Variants in INTS10 observed in about 807,000 individuals in gnomAD.
The protein encoded by INTS10 is chromosome 8 open reading frame 35.
INTS10 carries 44 observed loss-of-function variants against 94.4 expected under a neutral mutation model. That is an observed-to-expected ratio of 0.47 (90% confidence interval 0.37 to 0.60). The LOEUF is 0.60. INTS10 is among the 20% of genes least tolerant of loss of function. The pLI is 0.00. For synonymous variants in INTS10, 341 were observed against 320.7 expected (o/e 1.06, Z -0.68); for missense variants, 797 against 868.7 (o/e 0.92, Z 1.04).
intron 4 of INTS10, chr8:19,821,104 C>CTTG (rs2066339282): frequency 8.2e-6 from 1 of 122,424 alleles, no homozygotes; most frequent in South Asian, 2.8e-4. Context: ...TACTCTGCGG[C>CTTG]TTATTTCCCA....
chr8:19,819,594 G>T lies in INTS10; in HGVS notation c.219G>T (p.Gln73His), dbSNP rs373727150. 166 of 1,612,614 alleles carry T rather than the reference G, an allele frequency of 1.0e-4. No individual in the cohort carries two copies. The highest frequency in any genetic ancestry group is 1.3e-4 in the Non-Finnish European group (158 of 1,179,156). The change falls in exon 3 of 17, where the codon CAG becomes CAT. Residue 73 changes from glutamine (Q) to histidine (H), a missense_variant. By Grantham distance (24) the Gln-to-His change is conservative. This residue lies in a region of INTS10 where 734 missense variants were observed against 787.8 expected (regional missense o/e 0.93). Coordinates refer to ENST00000397977, the MANE Select transcript of INTS10 (RefSeq NM_018142.4). ...ATAGGTTTGTGAATTTCCCAGACCA[G>T]CCGGTGGTGTGGAGAGAAATCAGCA... ...LYDMFVNFPDQPVVWREISII... is the reference protein window; with the variant it reads ...LYDMFVNFPDHPVVWREISII...
At chr8:19,848,047 TGA>T (rs2068724763) in intron 16 of INTS10, among the ~76,000 whole-genome samples, 1 of 152,234 alleles carries the variant, frequency 6.6e-6, no homozygotes, top group African/African-American at 2.4e-5. Flanking sequence ...CTTCACTGTG[TGA>T]ATCTCAAGGT....
At chr8:19,831,534 A>G (rs2067225646) in intron 10 of INTS10, among the ~76,000 whole-genome samples, 1 of 152,096 alleles carries the variant, frequency 6.6e-6, no homozygotes, top group Non-Finnish European at 1.5e-5. Flanking sequence ...AAAAACAAAA[A>G]CAAAACTTAG....
rs1318382759 is a variant in INTS10 at position 19,819,667 on chromosome 8, T to C, written c.292T>C (p.Phe98Leu). 2.5e-6 allele frequency: 4 copies of C among 1,609,708 alleles called. No homozygotes were observed. The Admixed American group carries it at 5.0e-5, about 20-fold the overall frequency. ...CGATTCACAGGACAAACAAACCCAA[T>C]TTTTAAGAAGTAAGAATAATGGTGT... ...RNDSQDKQTQFLRSLFETLPG... is the reference protein window; with the variant it reads ...RNDSQDKQTQLLRSLFETLPG... The change falls in exon 3 of 17, where the codon TTT becomes CTT. Residue 98 changes from phenylalanine (F) to leucine (L), a missense_variant. This residue lies in a region of INTS10 where 734 missense variants were observed against 787.8 expected (regional missense o/e 0.93). Coordinates refer to ENST00000397977, the MANE Select transcript of INTS10 (RefSeq NM_018142.4).
chr8:19,825,014 A>T, intron 8 of INTS10, 42 bp downstream of exon 8: 1 of 1,521,506 alleles, frequency 6.6e-7, no homozygotes, highest in Non-Finnish European at 9.1e-7. Context: ...GCCAGTTCAT[A>T]CTGTGGGGAT....
At position 19,833,281 on chromosome 8, in the gene INTS10, T is replaced by C; in HGVS notation, c.1490T>C (p.Ile497Thr). 1.2e-6 allele frequency: 2 copies of C among 1,612,970 alleles called. No individual in the cohort carries two copies. Among genetic ancestry groups the C allele is most frequent in the East Asian group, 2.2e-5 (1 of 44,752 alleles). The change falls in exon 12 of 17, where the codon ATC (isoleucine) becomes ACC (threonine). Residue 497 changes from isoleucine (I) to threonine (T), a missense_variant. This residue lies in a region of INTS10 where 734 missense variants were observed against 787.8 expected (regional missense o/e 0.93). Coordinates refer to ENST00000397977, the MANE Select transcript of INTS10 (RefSeq NM_018142.4). Reference protein sequence around the residue: ...QGTLEHQRALIQLATCHFALG... With the variant: ...QGTLEHQRALTQLATCHFALG... ...ACCCTGGAGCATCAGAGGGCGCTCATCCAGCTGGCGACGTGCCACTTTGCG... is the reference window on the plus strand; with the variant it reads ...ACCCTGGAGCATCAGAGGGCGCTCACCCAGCTGGCGACGTGCCACTTTGCG...
At chr8:19,823,218 T>C (rs938513045) in intron 5 of INTS10, 83 bp from the exon 6 acceptor site, 4 of 1,059,582 alleles carry the variant, frequency 3.8e-6, no homozygotes, top group Non-Finnish European at 5.6e-6. Flanking sequence ...CTACATCAAA[T>C]GAACTCTGAA....
chr8:19,820,648 G>A (rs909725197), intron 4 of INTS10, 130 bp downstream of exon 4: 22 of 714,338 alleles, frequency 3.1e-5, no homozygotes, highest in Non-Finnish European at 2.3e-5. Context: ...TGAAATAGAA[G>A]GTTCTTTGTT....
Position 19,842,875 on chromosome 8 carries a change from C to A in INTS10, c.1667C>A (p.Thr556Asn). The A allele has an allele frequency of 6.2e-7, 1 of 1,612,332 alleles. No homozygotes were observed. Among genetic ancestry groups the A allele is most frequent in the Non-Finnish European group, 8.5e-7 (1 of 1,178,598 alleles). ...KGSDLKLLPCTSKAIMPYCLH... is the reference protein window; with the variant it reads ...KGSDLKLLPCNSKAIMPYCLH... ...TCGGATCTGAAGCTCCTGCCTTGTA[C>A]CAGCAAGGCTATCATGCCATACTGC... The change falls in exon 14 of 17, where the codon ACC (threonine) becomes AAC (asparagine). Residue 556 changes from threonine to asparagine, a missense_variant. Transcript: ENST00000397977.
chr8:19,851,002 G>A lies in INTS10; in HGVS notation c.1977-647G>A, dbSNP rs2068985705. Among the ~76,000 whole-genome samples, 1 of 152,094 alleles carries A rather than the reference G, an allele frequency of 6.6e-6. No homozygotes were observed. The highest frequency in any genetic ancestry group is 2.4e-5 in the African/African-American group (1 of 41,404). ...CTCAGAGATTCTGCCTCTCTCTCCT[G>A]ACCTGTGCCACATTCTTGTGTCAGG... On this transcript the variant is annotated intron_variant, in intron 16 of 16. Coordinates refer to ENST00000397977, the MANE Select transcript of INTS10 (RefSeq NM_018142.4). The surrounding 1 kb of genome is among the most constrained non-coding windows in gnomAD (Gnocchi z 5.0).
In INTS10 at chr8:19,837,184, A is replaced by G. The variant is rs369929398; in HGVS notation, c.1639+24A>G. On this transcript the variant is annotated intron_variant, in intron 13 of 16. Transcript: ENST00000397977. ...AGGTACAGTGACATGTTTTATGACT[A>G]TTTTGTAAAAATAGCTTTAGAAAGC... 3.4e-6 allele frequency: 5 copies of G among 1,453,856 alleles called. No individual in the cohort carries two copies. In the African/African-American group the frequency reaches 5.6e-5, roughly 16 times the overall value. 90.1% of individuals were successfully genotyped at this position (1,453,856 alleles called of 1,614,324 possible).
rs183661235 is a variant in INTS10, at chr8:19,832,379, C to T, written c.1377+269C>T. Among the ~76,000 whole-genome samples, 6 of 152,202 alleles carry T rather than the reference C, an allele frequency of 3.9e-5. No homozygotes were observed. The East Asian group carries it at 1.2e-3, about 29-fold the overall frequency. On this transcript the variant is annotated intron_variant, in intron 11 of 16. Transcript: ENST00000397977. ...TTGAGCCCAGGAGTTCGAGACTAGCCCTGGCAGCATAGTGAGACCCTGTCT... is the reference window on the plus strand; with the variant it reads ...TTGAGCCCAGGAGTTCGAGACTAGCTCTGGCAGCATAGTGAGACCCTGTCT...
rs1375568664 is a variant in INTS10, at chr8:19,843,152, TA to T, written c.1719+226del. Among the ~76,000 whole-genome samples, 1 of 152,218 alleles carries T rather than the reference TA, an allele frequency of 6.6e-6. No individual in the cohort carries two copies. Among genetic ancestry groups the T allele is most frequent in the East Asian group, 1.9e-4 (1 of 5,198 alleles). ...TTCTCCCCGTCCTCAAAAAGTGTAATAGTGGGACAGATATGCAAATAACCTT... is the reference window on the plus strand; with the variant it reads ...TTCTCCCCGTCCTCAAAAAGTGTAATGTGGGACAGATATGCAAATAACCTT... On this transcript the variant is annotated intron_variant, in intron 14 of 16. Coordinates refer to ENST00000397977, the MANE Select transcript of INTS10 (RefSeq NM_018142.4). The surrounding 1 kb of genome is among the most constrained non-coding windows in gnomAD (Gnocchi z 4.7).
At chr8:19,822,289 A>T (rs1589924113) in intron 4 of INTS10, 150 bp from the exon 5 acceptor site, 3 of 533,604 alleles carry the variant, frequency 5.6e-6, no homozygotes. Flanking sequence ...GCATTCTTTT[A>T]TTTTCCAGTC....
rs891420262 is a variant in INTS10 at position 19,843,036 on chromosome 8, G to T, written c.1719+109G>T. 3 of 773,188 alleles carry T rather than the reference G, an allele frequency of 3.9e-6. No individual in the cohort carries two copies. In the African/African-American group the frequency reaches 5.2e-5, roughly 14 times the overall value. The allele number at this position is 773,188 out of a possible 1,614,324, so 47.9% of individuals were successfully genotyped here. Reference sequence around the variant, plus strand: ...GGATTGTTATTTTAGTACTTTTGAGGGCAGGCCCAAACAGTTAGAAAAGCA... The same window carrying T: ...GGATTGTTATTTTAGTACTTTTGAGTGCAGGCCCAAACAGTTAGAAAAGCA... On this transcript the variant is annotated intron_variant, in intron 14 of 16. Coordinates refer to ENST00000397977, the MANE Select transcript of INTS10 (RefSeq NM_018142.4). This position sits in a 1 kb window ranked among gnomAD's most constrained non-coding sequence, Gnocchi z 4.7.
intron 9 of INTS10, among the ~76,000 whole-genome samples, chr8:19,829,519 A>G (rs539321145): frequency 6.6e-6 from 1 of 152,194 alleles, no homozygotes; most frequent in Non-Finnish European, 1.5e-5. Context: ...GGGCTTTACT[A>G]GGTAAGTGCA....
chr8:19,825,083 T>G, intron 8 of INTS10, 111 bp downstream of exon 8: 1 of 827,752 alleles, frequency 1.2e-6, no homozygotes, highest in Non-Finnish European at 2.0e-6. Flanking sequence ...TGTGGGGCAG[T>G]ACCAGTCCTT....
Position 19,849,271 on chromosome 8 carries a change from G to A in INTS10, c.1977-2378G>A, listed in dbSNP as rs988685392. 6.7e-6 allele frequency: 8 copies of A among 1,187,290 alleles called. No homozygotes were observed. Among genetic ancestry groups the A allele is most frequent in the Non-Finnish European group, 8.9e-6 (8 of 897,504 alleles). The allele number at this position is 1,187,290 out of a possible 1,614,324, so 73.5% of individuals were successfully genotyped here. Reference sequence around the variant, plus strand: ...AGTGGAATCAACGCCCGCTCATAGTGTGCTGTTTGTCAACATGTTCGCTGC... The same window carrying A: ...AGTGGAATCAACGCCCGCTCATAGTATGCTGTTTGTCAACATGTTCGCTGC... On this transcript the variant is annotated intron_variant, in intron 16 of 16. Coordinates refer to ENST00000397977, the MANE Select transcript of INTS10 (RefSeq NM_018142.4). The surrounding 1 kb of genome is among the most constrained non-coding windows in gnomAD (Gnocchi z 4.6).
At chr8:19,831,742 A>G (rs928839546) in intron 10 of INTS10, among the ~76,000 whole-genome samples, 6 of 152,192 alleles carry the variant, frequency 3.9e-5, no homozygotes, top group Non-Finnish European at 8.8e-5. Flanking sequence ...AAAGTGGCTT[A>G]AAAGATAAAT....
Sources: allele counts gnomAD v4.1 joint callset (sites outside exome capture counted in the v4.1 genomes callset), GRCh38; gene constraint gnomAD v4.1.1; regional missense constraint gnomAD v4.1.1; non-coding constraint Gnocchi (gnomAD v3.1); transcripts MANE v1.5; gene names NCBI Gene and HGNC (gene_info 2026-07-23, HGNC 2026-07-21).